Variants in RPIA observed in about 807,000 individuals in gnomAD.
The protein encoded by RPIA is ribose 5-phosphate isomerase A.
RPIA carries 29 observed loss-of-function variants against 37.8 expected under a neutral mutation model. The observed-to-expected ratio is 0.77, with a 90% CI of 0.57 to 1.05. RPIA has a LOEUF of 1.05. Ranked by LOEUF, RPIA falls within the 50% of genes least tolerant of loss-of-function variation. The probability of loss-of-function intolerance (pLI) is 0.00; values close to 1 mark genes in which losing one functional copy is unlikely to be tolerated. For synonymous variants in RPIA, 167 were observed against 157.0 expected, an observed-to-expected ratio of 1.06 and a Z score of -0.48; for missense variants, 385 against 413.6, an observed-to-expected ratio of 0.93 and a Z score of 0.60.
rs201068417 is a variant in RPIA, at chr2:88,691,926, C to T, written c.228C>T (p.Ser76=). The part of the protein sequence containing the change: ...NSICPAPSTM[S]KAEEAKKLAG... Reference sequence around the variant, plus strand: ...TCTGCCCGGCCCCCTCCACGATGTCCAAGGCCGAGGAGGCCAAGAAGCTGG... The same window carrying T: ...TCTGCCCGGCCCCCTCCACGATGTCTAAGGCCGAGGAGGCCAAGAAGCTGG... The change falls in exon 1 of 9, where the codon TCC becomes TCT. Residue 76 remains serine (S), a synonymous_variant. Coordinates refer to ENST00000283646, the MANE Select transcript of RPIA (RefSeq NM_144563.3). 18 of 1,597,704 alleles carry T rather than the reference C, an allele frequency of 1.1e-5. No homozygotes were observed. In the Admixed American group the frequency reaches 2.3e-4, roughly 20 times the overall value.
In RPIA at chr2:88,739,141, T is replaced by C. The variant is rs1160202468; in HGVS notation, c.838+1065T>C. 2.6e-5 allele frequency among the ~76,000 whole-genome samples: 4 copies of C among 152,102 alleles called. No homozygotes were observed. The East Asian group carries it at 7.7e-4, about 29-fold the overall frequency. On this transcript the variant is annotated intron_variant, in intron 8 of 8. Transcript: ENST00000283646. ...GGTATCAAGGGCTCGTACAGGGGGA[T>C]TAAAAGGAGGAGGCAGTCTTGAGAG... is the stretch of plus-strand genomic sequence containing the variant.
intron 4 of RPIA, among the ~76,000 whole-genome samples, chr2:88,733,324 C>A (rs1229116481): frequency 6.6e-6 from 1 of 152,138 alleles, no homozygotes; most frequent in Non-Finnish European, 1.5e-5. Flanking sequence ...TTTATGGCAC[C>A]TGGAAAACCA....
At chr2:88,716,560 T>G (rs935529631) in intron 3 of RPIA, among the ~76,000 whole-genome samples, 1 of 152,206 alleles carries the variant, frequency 6.6e-6, no homozygotes, top group African/African-American at 2.4e-5. Context: ...CAACTGAGTT[T>G]TATGGTGATA....
At chr2:88,714,597 G>C (rs998503773) in intron 3 of RPIA, among the ~76,000 whole-genome samples, 3 of 152,198 alleles carry the variant, frequency 2.0e-5, no homozygotes, top group Non-Finnish European at 4.4e-5. Context: ...TCCCCTGGCT[G>C]GTCAGATGTC....
At chr2:88,734,667 T>G (rs1410187671) in intron 5 of RPIA, 51 bp downstream of exon 5, 1 of 1,575,682 alleles carries the variant, frequency 6.3e-7, no homozygotes, top group East Asian at 2.2e-5. Flanking sequence ...AGTTAATCCT[T>G]AGCAAAGCAA....
At chr2:88,692,896 T>G (rs1676960576) in intron 1 of RPIA, among the ~76,000 whole-genome samples, 1 of 152,210 alleles carries the variant, frequency 6.6e-6, no homozygotes, top group African/African-American at 2.4e-5. Context: ...CACAGCCTGT[T>G]TGAGTGGGAG....
At chr2:88,719,121 T>C (rs1235742582) in intron 3 of RPIA, among the ~76,000 whole-genome samples, 1 of 152,166 alleles carries the variant, frequency 6.6e-6, no homozygotes. Flanking sequence ...AAGAGTTTTA[T>C]AGCTGATTAT....
rs1013747116 is a variant in RPIA at position 88,750,087 on chromosome 2, G to T, written c.*9G>T. The T allele has an allele frequency of 6.3e-7, 1 of 1,594,970 alleles. No individual in the cohort carries two copies. The highest frequency in any genetic ancestry group is 1.1e-5 in the South Asian group (1 of 90,646). On this transcript the variant is annotated 3_prime_UTR_variant, in exon 9 of 9. Transcript: ENST00000283646. ...AGAAGCCTTTCTGTTGACCCTGCAA[G>T]GAGCAGAGTGTGTTCACCTTGAGTC...
intron 3 of RPIA, among the ~76,000 whole-genome samples, chr2:88,710,258 C>T (rs942299295): frequency 3.3e-5 from 5 of 152,078 alleles, no homozygotes; most frequent in Non-Finnish European, 7.4e-5. Flanking sequence ...GTTGTGCAGG[C>T]TGTTCTCGAA....
intron 3 of RPIA, among the ~76,000 whole-genome samples, chr2:88,703,925 C>T (rs1242056649): frequency 6.6e-6 from 1 of 152,200 alleles, no homozygotes; most frequent in African/African-American, 2.4e-5. Context: ...GAAATTTCTT[C>T]TGCCAGATAT....
chr2:88,742,191 T>TAAA (rs1673390665), intron 8 of RPIA, among the ~76,000 whole-genome samples: 1 of 152,248 alleles, frequency 6.6e-6, no homozygotes, highest in South Asian at 2.1e-4. Context: ...TTTCAAGTCT[T>TAAA]CAATTTAAGT....
intron 8 of RPIA, among the ~76,000 whole-genome samples, chr2:88,748,842 C>T (rs1673468398): frequency 2.0e-5 from 3 of 152,124 alleles, no homozygotes; most frequent in Admixed American, 2.0e-4. Context: ...TCCTGAGTAG[C>T]TGGGACTGCA....
intron 3 of RPIA, among the ~76,000 whole-genome samples, chr2:88,723,452 A>T (rs1673158676): frequency 6.6e-6 from 1 of 152,206 alleles, no homozygotes. Flanking sequence ...GTAAAACTCC[A>T]AAAAACAAAA....
chr2:88,722,308 C>T (rs962233463), intron 3 of RPIA, among the ~76,000 whole-genome samples: 1 of 151,830 alleles, frequency 6.6e-6, no homozygotes, highest in Non-Finnish European at 1.5e-5. Context: ...GAATATTTTC[C>T]TACAATATAT....
intron 1 of RPIA, among the ~76,000 whole-genome samples, chr2:88,696,263 A>G (rs1030584541): frequency 6.6e-6 from 1 of 152,192 alleles, no homozygotes; most frequent in Non-Finnish European, 1.5e-5. Context: ...GAAGTTGCTT[A>G]TTCGATTGAA....
chr2:88,705,888 A>G (rs1276688165), intron 3 of RPIA, among the ~76,000 whole-genome samples: 4 of 152,172 alleles, frequency 2.6e-5, no homozygotes, highest in African/African-American at 4.8e-5. Flanking sequence ...CTGTTAAAAA[A>G]TGGGCAAAGG....
chr2:88,696,266 C>T (rs561558750), intron 1 of RPIA, among the ~76,000 whole-genome samples: 1 of 152,210 alleles, frequency 6.6e-6, no homozygotes, highest in East Asian at 1.9e-4. Context: ...GTTGCTTATT[C>T]GATTGAAATG....
chr2:88,711,242 G>A (rs1314608183), intron 3 of RPIA, among the ~76,000 whole-genome samples: 1 of 152,224 alleles, frequency 6.6e-6, no homozygotes, highest in Non-Finnish European at 1.5e-5. Flanking sequence ...AAAACACTCA[G>A]CTAGTCAAAG....
intron 8 of RPIA, among the ~76,000 whole-genome samples, chr2:88,745,107 G>C (rs147042495): frequency 1.3e-5 from 2 of 151,988 alleles, no homozygotes; most frequent in Admixed American, 6.6e-5. Context: ...ACAGGTGCCC[G>C]CCACCATGAC....
Sources: gnomAD v4.1 joint callset for allele counts (sites outside exome capture counted in the v4.1 genomes callset) on GRCh38, gnomAD v4.1.1 for gene constraint, MANE v1.5 for transcripts, NCBI Gene and HGNC (gene_info 2026-07-23, HGNC 2026-07-21) for gene names.